Variants in PPP1R12B observed in about 807,000 individuals in gnomAD.
PPP1R12B encodes the protein protein phosphatase 1 regulatory subunit 12B.
PPP1R12B carries 76 observed loss-of-function variants against 126.1 expected under a neutral mutation model. That is an observed-to-expected ratio of 0.60 (90% CI 0.50 to 0.73). The LOEUF is 0.73. Ranked by LOEUF, PPP1R12B falls within the 30% of genes least tolerant of loss-of-function variation. The pLI is 0.00. For missense variants in PPP1R12B, 1,052 were observed against 1,205.1 expected (o/e 0.87, Z 1.88); for synonymous variants, 356 against 434.7 (o/e 0.82, Z 2.25).
At chr1:202,402,038 A>T (rs971622112) in intron 1 of PPP1R12B, among the ~76,000 whole-genome samples, 1 of 152,256 alleles carries the variant, frequency 6.6e-6, no homozygotes, top group Non-Finnish European at 1.5e-5. Context: ...TTGACTGCAG[A>T]TAAGTAAGCA....
Position 202,581,828 on chromosome 1 carries a change from G to A in PPP1R12B, c.*1268G>A, listed in dbSNP as rs1689563463. 6.6e-6 allele frequency: 1 copy of A among 152,198 alleles called. No individual in the cohort carries two copies. Among genetic ancestry groups the A allele is most frequent in the Non-Finnish European group, 1.5e-5 (1 of 68,034 alleles). The allele number at this position is 152,198 out of a possible 1,614,324, so 9.4% of individuals were successfully genotyped here. On this transcript the variant is annotated 3_prime_UTR_variant, in exon 24 of 24. Transcript: ENST00000608999. ...AGATTTACTTTCTTAGAAATTAATA[G>A]GGGAAATGGCACTTAATAGAGGTTT...
At chr1:202,471,611 G>T (rs1248503530) in intron 13 of PPP1R12B, among the ~76,000 whole-genome samples, 6 of 122,834 alleles carry the variant, frequency 4.9e-5, no homozygotes, top group African/African-American at 9.3e-5. Flanking sequence ...CTGCTTTTTT[G>T]GTAATCTAAG....
At position 202,348,749 on chromosome 1, in the gene PPP1R12B, C is replaced by T. The variant is rs1275747560; in HGVS notation, c.-103C>T. On this transcript the variant is annotated 5_prime_UTR_variant, in exon 1 of 24. Coordinates refer to ENST00000608999, the MANE Select transcript of PPP1R12B (RefSeq NM_002481.4). ...ATGGCGGCGCGAGGGTCTCCGCCCT[C>T]TGCTCCGGGCTGAAGCGCTCTGAGA... 3.5e-6 allele frequency: 5 copies of T among 1,411,244 alleles called. No homozygotes were observed. The highest frequency in any genetic ancestry group is 1.5e-5 in the African/African-American group (1 of 68,742). The allele number at this position is 1,411,244 out of a possible 1,614,324, so 87.4% of individuals were successfully genotyped here.
chr1:202,518,684 T>C (rs1682422111), intron 18 of PPP1R12B, among the ~76,000 whole-genome samples: 1 of 152,246 alleles, frequency 6.6e-6, no homozygotes, highest in African/African-American at 2.4e-5. Flanking sequence ...TGACTTTTTT[T>C]CTGCTTTTCT....
rs533407099 is a variant in PPP1R12B at position 202,378,997 on chromosome 1, G to T, written c.291+29855G>T. ...CAACCCACTTTCTCTATATTCTTTC[G>T]TCTTTGTAACCTTACCCACTCCCAT... is the stretch of plus-strand genomic sequence containing the variant. On this transcript the variant is annotated intron_variant, in intron 1 of 23. Coordinates refer to ENST00000608999, the MANE Select transcript of PPP1R12B (RefSeq NM_002481.4). Among the ~76,000 whole-genome samples the T allele has an allele frequency of 4.0e-5, 6 of 151,462 alleles. No individual in the cohort carries two copies. The East Asian group carries it at 9.7e-4, about 24-fold the overall frequency.
rs982018407 is a variant in PPP1R12B, at chr1:202,589,077, TAA to T, written c.*8518_*8519del. 1.1e-4 allele frequency: 16 copies of T among 152,272 alleles called. No homozygotes were observed. The highest frequency in any genetic ancestry group is 3.1e-4 in the African/African-American group (13 of 41,540). The allele number at this position is 152,272 out of a possible 1,614,324, so 9.4% of individuals were successfully genotyped here. On this transcript the variant is annotated 3_prime_UTR_variant, in exon 24 of 24. Transcript: ENST00000608999. Reference sequence around the variant, plus strand: ...CACCCTTAGTCATCTGCTATATCCATAAGTCTTCATGAGGTCATTGTTTAATT... The same window carrying T: ...CACCCTTAGTCATCTGCTATATCCATGTCTTCATGAGGTCATTGTTTAATT...
intron 1 of PPP1R12B, among the ~76,000 whole-genome samples, chr1:202,401,565 C>T (rs1370093241): frequency 1.3e-5 from 2 of 151,766 alleles, no homozygotes; most frequent in African/African-American, 4.8e-5. Context: ...TATTAATTAA[C>T]ACAAAGAATA....
chr1:202,349,220 G>T, intron 1 of PPP1R12B, 78 bp downstream of exon 1: 1 of 1,539,182 alleles, frequency 6.5e-7, no homozygotes, highest in Non-Finnish European at 8.8e-7. Context: ...CCCATGGGGA[G>T]TATCAGTGTT....
At chr1:202,397,782 A>T (rs750882681) in intron 1 of PPP1R12B, among the ~76,000 whole-genome samples, 20 of 152,244 alleles carry the variant, frequency 1.3e-4, no homozygotes, top group Admixed American at 5.2e-4. Context: ...AATTATGAGA[A>T]TGTCCAAATT....
At chr1:202,550,747 CT>C (rs757799179) in intron 18 of PPP1R12B, among the ~76,000 whole-genome samples, 16 of 152,318 alleles carry the variant, frequency 1.1e-4, no homozygotes, top group Admixed American at 2.0e-4. Flanking sequence ...CATTTTCATC[CT>C]ATATAGTACA....
chr1:202,397,578 A>C (rs1332714330), intron 1 of PPP1R12B, among the ~76,000 whole-genome samples: 1 of 152,176 alleles, frequency 6.6e-6, no homozygotes, highest in African/African-American at 2.4e-5. Flanking sequence ...GGGAAGACAC[A>C]TGGGGATATA....
chr1:202,432,994 T>C (rs781584071), intron 8 of PPP1R12B, among the ~76,000 whole-genome samples: 2 of 152,212 alleles, frequency 1.3e-5, no homozygotes, highest in African/African-American at 4.8e-5. Context: ...GCTCACTGAA[T>C]GTCAGTCACC....
intron 1 of PPP1R12B, among the ~76,000 whole-genome samples, chr1:202,357,586 G>C (rs1571551723): frequency 1.3e-5 from 2 of 152,120 alleles, no homozygotes; most frequent in South Asian, 4.1e-4. Flanking sequence ...CATCAGTTAA[G>C]AATATTTTAG....
Position 202,569,388 on chromosome 1 carries a change from T to C in PPP1R12B, c.2862+191T>C, listed in dbSNP as rs539159977. ...GCTCTCTCAGCTCACACAACATCCA[T>C]TGAGGACACCTTAAAGGCATTCTAG... is the stretch of plus-strand genomic sequence containing the variant. On this transcript the variant is annotated intron_variant, in intron 23 of 23. Coordinates refer to ENST00000608999, the MANE Select transcript of PPP1R12B (RefSeq NM_002481.4). Among the ~76,000 whole-genome samples, 10 of 152,236 alleles carry C rather than the reference T, an allele frequency of 6.6e-5. No homozygotes were observed. In the South Asian group the frequency reaches 1.7e-3, roughly 25 times the overall value.
chr1:202,395,360 T>C (rs1434583001), intron 1 of PPP1R12B, among the ~76,000 whole-genome samples: 1 of 152,158 alleles, frequency 6.6e-6, no homozygotes, highest in Admixed American at 6.6e-5. Flanking sequence ...TTATACTGTC[T>C]TATAAAAATA....
chr1:202,433,716 C>G (rs1371189333), intron 8 of PPP1R12B, among the ~76,000 whole-genome samples: 1 of 152,142 alleles, frequency 6.6e-6, no homozygotes, highest in Non-Finnish European at 1.5e-5. Context: ...TAGGATCTAG[C>G]AGGTTGAAAA....
At chr1:202,452,585 G>A (rs575255731) in intron 13 of PPP1R12B, among the ~76,000 whole-genome samples, 10 of 151,984 alleles carry the variant, frequency 6.6e-5, no homozygotes, top group Admixed American at 4.6e-4. Context: ...AGGAGGAGGG[G>A]GAGGGGGAGA....
At chr1:202,404,128 T>C (rs1184499398) in intron 1 of PPP1R12B, among the ~76,000 whole-genome samples, 3 of 152,178 alleles carry the variant, frequency 2.0e-5, no homozygotes, top group Non-Finnish European at 4.4e-5. Flanking sequence ...TTTAAAAACC[T>C]CAATACCTCC....
At chr1:202,444,965 C>G (rs566781368) in intron 12 of PPP1R12B, 17 of 1,154,718 alleles carry the variant, frequency 1.5e-5, no homozygotes, top group Non-Finnish European at 1.7e-5. Context: ...TTCAAGTGCA[C>G]AATCTGGGTG....
Sources: allele counts gnomAD v4.1 joint callset (sites outside exome capture counted in the v4.1 genomes callset), GRCh38; gene constraint gnomAD v4.1.1; transcripts MANE v1.5; gene names NCBI Gene and HGNC (gene_info 2026-07-23, HGNC 2026-07-21).